Variants in TMEM106B observed in about 807,000 individuals in gnomAD.
The protein encoded by TMEM106B is transmembrane protein 106B.
A neutral mutation model predicts 31.1 loss-of-function variants in TMEM106B; 15 were observed. That is an observed-to-expected ratio of 0.48 (90% CI 0.32 to 0.74). The LOEUF is 0.74. Among genes scored for constraint, TMEM106B ranks in the 30% least tolerant of loss-of-function variants. The pLI, the probability that TMEM106B is intolerant of heterozygous loss-of-function variation, is 0.03. For synonymous variants in TMEM106B, 126 were observed against 112.5 expected, an observed-to-expected ratio of 1.12 and a Z score of -0.76; for missense variants, 283 against 327.3, an observed-to-expected ratio of 0.86 and a Z score of 1.04.
In TMEM106B at chr7:12,236,997, A is replaced by T. The variant is rs1782150175; in HGVS notation, c.*5022A>T. ...ATATAATAAATAATATAGAATATGA[A>T]AATATGTTTGGGCATTTACTGTTTA... On this transcript the variant is annotated 3_prime_UTR_variant, in exon 8 of 8. Coordinates refer to ENST00000396668, the MANE Select transcript of TMEM106B (RefSeq NM_001134232.2). 1 of 152,018 alleles carries T rather than the reference A, an allele frequency of 6.6e-6. No homozygotes were observed. Among genetic ancestry groups the T allele is most frequent in the South Asian group, 2.1e-4 (1 of 4,832 alleles). The allele number at this position is 152,018 out of a possible 1,614,324, so 9.4% of individuals were successfully genotyped here.
chr7:12,224,269 T>A lies in TMEM106B; in HGVS notation c.325T>A (p.Ser109Thr). 6.2e-7 allele frequency: 1 copy of A among 1,614,092 alleles called. No homozygotes were observed. Among genetic ancestry groups the A allele is most frequent in the Non-Finnish European group, 8.5e-7 (1 of 1,179,972 alleles). ...TTCTGTGTTTGTCTGTCTACTCCTT[T>A]CTGGATTGGCTGTGTTTTTCCTTTT... Reference protein sequence around the residue: ...MASVFVCLLLSGLAVFFLFPR... With the variant: ...MASVFVCLLLTGLAVFFLFPR... The change falls in exon 4 of 8, where the codon TCT becomes ACT. Residue 109 changes from serine (S) to threonine (T), a missense_variant. Physicochemically the swap from Ser to Thr is moderately conservative, Grantham distance 58. Around this residue, in one of 3 missense-constraint regions of TMEM106B, gnomAD observed 201 missense variants for 211.5 expected, o/e 0.95. Transcript: ENST00000396668.
rs565353904 is a variant in TMEM106B, at chr7:12,239,380, A to T, written c.*7405A>T. On this transcript the variant is annotated 3_prime_UTR_variant, in exon 8 of 8. Coordinates refer to ENST00000396668, the MANE Select transcript of TMEM106B (RefSeq NM_001134232.2). ...CCACTAAAACATTCCCATATCGGCA[A>T]TAAGGCTGTTTGATTTTCTTATCAT... 6.6e-6 allele frequency: 1 copy of T among 152,150 alleles called. No individual in the cohort carries two copies. The highest frequency in any genetic ancestry group is 1.5e-5 in the Non-Finnish European group (1 of 68,016). 9.4% of individuals were successfully genotyped at this position (152,150 alleles called of 1,614,324 possible). A position where few individuals can be genotyped will look rare whatever the true frequency, so the allele number is the denominator to read the frequency against.
intron 4 of TMEM106B, among the ~76,000 whole-genome samples, chr7:12,228,935 C>T (rs1192126744): frequency 6.6e-6 from 1 of 151,728 alleles, no homozygotes; most frequent in Non-Finnish European, 1.5e-5. Context: ...GTCCTTTGTT[C>T]TTTTTTCATT....
intron 3 of TMEM106B, 64 bp from the exon 4 acceptor site, chr7:12,224,162 C>T: frequency 6.8e-7 from 1 of 1,462,574 alleles, no homozygotes; most frequent in Non-Finnish European, 9.5e-7. Flanking sequence ...AACATACCTT[C>T]TCTAATGTTG....
Position 12,234,941 on chromosome 7 carries a change from G to A in TMEM106B, c.*2966G>A, listed in dbSNP as rs927070094. On this transcript the variant is annotated 3_prime_UTR_variant, in exon 8 of 8. Coordinates refer to ENST00000396668, the MANE Select transcript of TMEM106B (RefSeq NM_001134232.2). The stretch of plus-strand genomic sequence containing the variant: ...CTGAAGATCACGTACTTACTAAGTA[G>A]TACAACTGGAGCAAGATCAAGTATC... 2 of 151,842 alleles carry A rather than the reference G, an allele frequency of 1.3e-5. No individual in the cohort carries two copies. The highest frequency in any genetic ancestry group is 2.9e-5 in the Non-Finnish European group (2 of 67,808). 9.4% of individuals were successfully genotyped at this position (151,842 alleles called of 1,614,324 possible).
chr7:12,217,470 G>A (rs1207984906), intron 2 of TMEM106B, among the ~76,000 whole-genome samples: 1 of 152,294 alleles, frequency 6.6e-6, no homozygotes, highest in East Asian at 1.9e-4. Flanking sequence ...ATCATTAAGT[G>A]CTACTTGACA....
At position 12,231,929 on chromosome 7, in the gene TMEM106B, A is replaced by C. The variant is rs763431685; in HGVS notation, c.779A>C (p.Gln260Pro). The C allele has an allele frequency of 1.2e-6, 2 of 1,612,430 alleles. No individual in the cohort carries two copies. Among genetic ancestry groups the C allele is most frequent in the Admixed American group, 1.7e-5 (1 of 59,946 alleles). ...GACTGTGGAAGAAACACAACTTATCAGTTGGGGCAGTCTGAATATTTAAAT... is the reference window on the plus strand; with the variant it reads ...GACTGTGGAAGAAACACAACTTATCCGTTGGGGCAGTCTGAATATTTAAAT... ...YVDCGRNTTY[Q>P]LGQSEYLNVL... The change falls in exon 8 of 8, where the codon CAG becomes CCG. Residue 260 changes from glutamine (Q) to proline (P), a missense_variant. Physicochemically the swap from Gln to Pro is moderately conservative, Grantham distance 76. Coordinates refer to ENST00000396668, the MANE Select transcript of TMEM106B (RefSeq NM_001134232.2).
chr7:12,226,848 G>A lies in TMEM106B; in HGVS notation c.441+2463G>A. The stretch of plus-strand genomic sequence containing the variant: ...CAATGCTAATTGTAAATTGTTTTAT[G>A]CAACTGGGGAATTGTTGGGTATTTT... On this transcript the variant is annotated intron_variant, in intron 4 of 7. Transcript: ENST00000396668. Among the ~76,000 whole-genome samples, 2 of 152,246 alleles carry A rather than the reference G, an allele frequency of 1.3e-5. 1 individual carries two copies. Among genetic ancestry groups the A allele is most frequent in the Middle Eastern group, 6.8e-3 (2 of 294 alleles).
chr7:12,230,053 C>CA (rs35562417), intron 5 of TMEM106B, among the ~76,000 whole-genome samples: 74,636 of 150,930 alleles, frequency 0.49, 19,356 homozygotes, highest in East Asian at 0.64. Context: ...CTCATCTCTA[C>CA]AAAAAAATAC....
intron 2 of TMEM106B, among the ~76,000 whole-genome samples, chr7:12,217,928 T>C (rs1781718829): frequency 6.6e-6 from 1 of 152,072 alleles, no homozygotes; most frequent in Non-Finnish European, 1.5e-5. Context: ...TTAACATGGA[T>C]TGGGGTGAGA....
chr7:12,215,037 A>T lies in TMEM106B; in HGVS notation c.217+10A>T. On this transcript the variant is annotated intron_variant, in intron 2 of 7. Transcript: ENST00000396668. Reference sequence around the variant, plus strand: ...GGAAGAATTCCTAGGGGTATGTGTTATTGTATTGTTTTCCCTTTAAATGAT... The same window carrying T: ...GGAAGAATTCCTAGGGGTATGTGTTTTTGTATTGTTTTCCCTTTAAATGAT... 1 of 1,603,842 alleles carries T rather than the reference A, an allele frequency of 6.2e-7. No individual in the cohort carries two copies. The highest frequency in any genetic ancestry group is 8.5e-7 in the Non-Finnish European group (1 of 1,174,476).
chr7:12,238,170 A>G lies in TMEM106B; in HGVS notation c.*6195A>G. On this transcript the variant is annotated 3_prime_UTR_variant, in exon 8 of 8. Coordinates refer to ENST00000396668, the MANE Select transcript of TMEM106B (RefSeq NM_001134232.2). ...TCGACCATGTTTAAATAATTTTCTA[A>G]ATTCTTTATTGTCATTTCAGCAGTG... 6.4e-6 allele frequency: 1 copy of G among 156,264 alleles called. No individual in the cohort carries two copies. Among genetic ancestry groups the G allele is most frequent in the Non-Finnish European group, 1.4e-5 (1 of 71,302 alleles). The allele number at this position is 156,264 out of a possible 1,614,324, so 9.7% of individuals were successfully genotyped here.
intron 1 of TMEM106B, chr7:12,214,118 A>G (rs1160001494): frequency 6.6e-6 from 1 of 152,182 alleles, no homozygotes; most frequent in Non-Finnish European, 1.5e-5. Flanking sequence ...TTACCCCAAA[A>G]TATATTTCTT....
rs538546323 is a variant in TMEM106B at position 12,242,504 on chromosome 7, C to T, written c.*10529C>T. ...AGAATAAATCTAAACAGAGACCACA[C>T]TGATATCTGTAACAACCTATGTAAA... On this transcript the variant is annotated 3_prime_UTR_variant, in exon 8 of 8. Transcript: ENST00000396668. 4.0e-5 allele frequency: 6 copies of T among 151,604 alleles called. No individual in the cohort carries two copies. The highest frequency in any genetic ancestry group is 1.2e-4 in the African/African-American group (5 of 41,422). 9.4% of individuals were successfully genotyped at this position (151,604 alleles called of 1,614,324 possible).
intron 3 of TMEM106B, among the ~76,000 whole-genome samples, chr7:12,221,343 A>G (rs1781784381): frequency 1.3e-5 from 2 of 152,194 alleles, no homozygotes; most frequent in Admixed American, 6.5e-5. Flanking sequence ...TGTACTTAAT[A>G]GTTGCATTAT....
chr7:12,230,977 C>G, intron 6 of TMEM106B, 85 bp from the exon 7 acceptor site: 1 of 877,616 alleles, frequency 1.1e-6, no homozygotes, highest in Non-Finnish European at 1.8e-6. Flanking sequence ...TTCTTAGCAT[C>G]TCTGTTAGCT....
At position 12,224,231 on chromosome 7, in the gene TMEM106B, T is replaced by C; in HGVS notation, c.287T>C (p.Leu96Pro). The C allele has an allele frequency of 6.2e-7, 1 of 1,612,638 alleles. No homozygotes were observed. The highest frequency in any genetic ancestry group is 8.5e-7 in the Non-Finnish European group (1 of 1,178,976). Residue 96 changes from leucine (L) to proline (P), a missense_variant, in exon 4 of 8, where the codon CTG becomes CCG. Physicochemically the swap from Leu to Pro is moderately conservative, Grantham distance 98. Transcript: ENST00000396668. The part of the protein sequence containing the change: ...DQRLRPRRTK[L>P]YVMASVFVCL... ...TACCCTCTTTTCCTTTTCAGAAAGC[T>C]GTATGTGATGGCTTCTGTGTTTGTC...
At chr7:12,231,283 T>G in intron 7 of TMEM106B, 168 bp downstream of exon 7, 1 of 537,106 alleles carries the variant, frequency 1.9e-6, no homozygotes, top group Non-Finnish European at 3.3e-6. Flanking sequence ...ACGAAATGGT[T>G]GTTCAGAGAA....
chr7:12,228,288 T>A (rs1390008125), intron 4 of TMEM106B, among the ~76,000 whole-genome samples: 1 of 151,898 alleles, frequency 6.6e-6, no homozygotes, highest in Non-Finnish European at 1.5e-5. Flanking sequence ...CATCCCATAT[T>A]GCATCTTTTC....
Sources: allele counts gnomAD v4.1 joint callset (sites outside exome capture counted in the v4.1 genomes callset), GRCh38; gene constraint gnomAD v4.1.1; regional missense constraint gnomAD v4.1.1; transcripts MANE v1.5; gene names NCBI Gene and HGNC (gene_info 2026-07-23, HGNC 2026-07-21).